The following PPP2R5A variants were observed in gnomAD, a reference collection of about 807,000 sequenced individuals.
The protein encoded by PPP2R5A is serine/threonine-protein phosphatase 2A 56 kDa regulatory subunit alpha isoform.
In PPP2R5A, 25 loss-of-function variants were observed where a neutral mutation model predicts 64.2. The ratio of observed to expected loss-of-function variants is 0.39; its 90% confidence interval spans 0.28 to 0.54. The LOEUF (loss-of-function observed/expected upper bound fraction) is 0.54, where lower values mean the gene tolerates loss of function less well. PPP2R5A is among the 20% of genes least tolerant of loss of function. The pLI, the probability that PPP2R5A is intolerant of heterozygous loss-of-function variation, is 0.67. For synonymous variants in PPP2R5A, 198 were observed against 201.2 expected (o/e 0.98, Z 0.13); for missense variants, 425 against 576.3 (o/e 0.74, Z 2.69).
intron 9 of PPP2R5A, 82 bp downstream of exon 9, chr1:212,356,758 C>A: frequency 6.9e-7 from 1 of 1,455,038 alleles, no homozygotes. Context: ...TTTGGGCTGG[C>A]TGTATTGCTG....
intron 8 of PPP2R5A, among the ~76,000 whole-genome samples, chr1:212,356,125 G>A (rs1046345816): frequency 6.6e-6 from 1 of 151,998 alleles, no homozygotes; most frequent in Non-Finnish European, 1.5e-5. Context: ...TATAAAGATT[G>A]TGCTAGCCAT....
chr1:212,339,745 A>G (rs1303013523), intron 3 of PPP2R5A, among the ~76,000 whole-genome samples: 4 of 152,152 alleles, frequency 2.6e-5, no homozygotes, highest in African/African-American at 9.7e-5. Flanking sequence ...GCTTGATGTC[A>G]TAAAAGTCTC....
At chr1:212,340,523 C>G (rs886798573) in intron 3 of PPP2R5A, among the ~76,000 whole-genome samples, 7 of 152,142 alleles carry the variant, frequency 4.6e-5, no homozygotes, top group African/African-American at 1.7e-4. Flanking sequence ...TCAGAGCGCT[C>G]TGTGATCAGT....
intron 4 of PPP2R5A, 99 bp from the exon 5 acceptor site, chr1:212,345,704 A>G (rs968370126): frequency 7.5e-7 from 1 of 1,334,048 alleles, no homozygotes; most frequent in Non-Finnish European, 1.0e-6. Context: ...ACTCTAAAAA[A>G]TTTTTAAAAG....
At chr1:212,336,468 A>G (rs2995255) in intron 3 of PPP2R5A, among the ~76,000 whole-genome samples, 3 of 152,204 alleles carry the variant, frequency 2.0e-5, no homozygotes, top group East Asian at 1.9e-4. Context: ...CCCAGAGATA[A>G]AAGAAATTCT....
intron 3 of PPP2R5A, among the ~76,000 whole-genome samples, chr1:212,341,011 T>C (rs1659676460): frequency 6.6e-6 from 1 of 152,216 alleles, no homozygotes. Flanking sequence ...CTTTTTTATT[T>C]TTAGGGTGTT....
At chr1:212,319,947 G>GTTTTTTTTTTTTTTTTT (rs71137742) in intron 1 of PPP2R5A, among the ~76,000 whole-genome samples, 1 of 103,388 alleles carries the variant, frequency 9.7e-6, no homozygotes, top group Non-Finnish European at 1.9e-5. Flanking sequence ...CTTACAGATT[G>GTTTTTTTTTTTTTTTTT]TTTTTTTTTT....
chr1:212,360,854 C>T lies in PPP2R5A; in HGVS notation c.*84C>T. The T allele has an allele frequency of 7.4e-7, 1 of 1,359,912 alleles. No homozygotes were observed. Among genetic ancestry groups the T allele is most frequent in the Non-Finnish European group, 9.7e-7 (1 of 1,027,284 alleles). The allele number at this position is 1,359,912 out of a possible 1,614,324, so 84.2% of individuals were successfully genotyped here. ...GTAAAAATTACAAAACAAACCTCAT[C>T]AGTATAATATAATTAAAAGGCCAAT... On this transcript the variant is annotated 3_prime_UTR_variant, in exon 13 of 13. Transcript: ENST00000261461.
intron 1 of PPP2R5A, among the ~76,000 whole-genome samples, chr1:212,294,224 A>G (rs1056810151): frequency 3.3e-5 from 5 of 152,192 alleles, no homozygotes; most frequent in Non-Finnish European, 7.4e-5. Flanking sequence ...AGCTATTACC[A>G]TAAGTCAATG....
intron 8 of PPP2R5A, among the ~76,000 whole-genome samples, chr1:212,353,925 C>T (rs2102448672): frequency 6.6e-6 from 1 of 152,306 alleles, no homozygotes; most frequent in South Asian, 2.1e-4. Context: ...TGGCTCAAGC[C>T]TGTAATCCTA....
intron 1 of PPP2R5A, among the ~76,000 whole-genome samples, chr1:212,320,727 C>T: frequency 7.1e-6 from 1 of 141,142 alleles, no homozygotes. Flanking sequence ...GCTGGCCGGG[C>T]AGAGGGGCTC....
At chr1:212,356,531 C>T in intron 8 of PPP2R5A, 95 bp from the exon 9 acceptor site, 1 of 1,149,166 alleles carries the variant, frequency 8.7e-7, no homozygotes, top group Non-Finnish European at 1.2e-6. Flanking sequence ...TGATTTACTT[C>T]AGAATGAGTG....
intron 1 of PPP2R5A, among the ~76,000 whole-genome samples, chr1:212,316,613 T>TTA (rs1491340211): frequency 2.9e-5 from 4 of 138,850 alleles, no homozygotes; most frequent in East Asian, 4.1e-4. Context: ...TTTTTTTTTT[T>TTA]AATCTGAAAG....
chr1:212,349,647 C>T (rs1188281927), intron 8 of PPP2R5A, among the ~76,000 whole-genome samples: 1 of 152,116 alleles, frequency 6.6e-6, no homozygotes, highest in African/African-American at 2.4e-5. Flanking sequence ...GAATTTTTGC[C>T]ACTCATTAAC....
chr1:212,333,461 T>TA, intron 2 of PPP2R5A, 36 bp from the exon 3 acceptor site: 4 of 1,339,136 alleles, frequency 3.0e-6, no homozygotes, highest in Non-Finnish European at 4.1e-6. Flanking sequence ...CAATTACACA[T>TA]ACAACAACGA....
chr1:212,290,374 AT>A (rs1658578554), intron 1 of PPP2R5A, among the ~76,000 whole-genome samples: 1 of 152,244 alleles, frequency 6.6e-6, no homozygotes, highest in African/African-American at 2.4e-5. Context: ...AGTTACTATC[AT>A]TCCATCTAAA....
At chr1:212,325,843 C>T (rs1168920756) in intron 1 of PPP2R5A, among the ~76,000 whole-genome samples, 1 of 152,142 alleles carries the variant, frequency 6.6e-6, no homozygotes, top group African/African-American at 2.4e-5. Flanking sequence ...GTAGTACATA[C>T]ATAAGCAGAG....
intron 1 of PPP2R5A, among the ~76,000 whole-genome samples, chr1:212,309,868 C>T (rs1366178875): frequency 6.6e-6 from 1 of 152,094 alleles, no homozygotes; most frequent in Non-Finnish European, 1.5e-5. Flanking sequence ...CCCACCACCA[C>T]AGATAAGCAA....
chr1:212,304,591 C>G (rs1658861754), intron 1 of PPP2R5A, among the ~76,000 whole-genome samples: 1 of 152,066 alleles, frequency 6.6e-6, no homozygotes, highest in South Asian at 2.1e-4. Context: ...CTATGTTGCC[C>G]AGGCTTGAGT....
Sources: gnomAD v4.1 joint callset for allele counts (sites outside exome capture counted in the v4.1 genomes callset) on GRCh38, gnomAD v4.1.1 for gene constraint, MANE v1.5 for transcripts, NCBI Gene and HGNC (gene_info 2026-07-23, HGNC 2026-07-21) for gene names.